The following RAD54L variants were observed in gnomAD, a reference collection of about 807,000 sequenced individuals.
RAD54L encodes RAD54 like, also known as DNA repair and recombination protein RAD54-like.
In RAD54L, 74 loss-of-function variants were observed where a neutral mutation model predicts 91.6. The observed-to-expected ratio is 0.81, with a 90% confidence interval of 0.67 to 0.98. RAD54L has a LOEUF of 0.98. RAD54L is among the 50% of genes least tolerant of loss of function. RAD54L has a pLI of 0.00. For missense variants in RAD54L, 887 were observed against 945.7 expected, an observed-to-expected ratio of 0.94 and a Z score of 0.81; for synonymous variants, 304 against 349.7, an observed-to-expected ratio of 0.87 and a Z score of 1.46.
rs535309776 is a variant in RAD54L, at chr1:46,261,212, T to G, written c.767-49T>G. 6 of 1,607,326 alleles carry G rather than the reference T, an allele frequency of 3.7e-6. No homozygotes were observed. The African/African-American group carries it at 4.0e-5, about 11-fold the overall frequency. The stretch of plus-strand genomic sequence containing the variant: ...GTCTAATTGTTTTTTTTGTTTTTTT[T>G]TTTTTCAAAAGATTCTGAATTGTTC... On this transcript the variant is annotated intron_variant, in intron 7 of 17. Transcript: ENST00000371975.
At chr1:46,266,047 A>T (rs753080076) in intron 8 of RAD54L, among the ~76,000 whole-genome samples, 7 of 152,194 alleles carry the variant, frequency 4.6e-5, no homozygotes, top group Non-Finnish European at 7.3e-5. Context: ...AGGAGCACAG[A>T]GTTGAGAGAG....
intron 2 of RAD54L, 118 bp from the exon 3 acceptor site, chr1:46,249,882 A>T: frequency 9.4e-7 from 1 of 1,065,346 alleles, no homozygotes; most frequent in Non-Finnish European, 1.4e-6. Context: ...ATACACTATG[A>T]CATGTGTGAA....
chr1:46,255,150 TTAC>T (rs1659906836), intron 3 of RAD54L, among the ~76,000 whole-genome samples: 1 of 152,160 alleles, frequency 6.6e-6, no homozygotes. Context: ...GCTATATAAC[TTAC>T]TAGAAGTTTG....
intron 12 of RAD54L, among the ~76,000 whole-genome samples, chr1:46,273,138 CCTT>C (rs1414978996): frequency 5.9e-5 from 9 of 152,188 alleles, no homozygotes; most frequent in African/African-American, 1.9e-4. Flanking sequence ...GTTATAGCTC[CCTT>C]CTTGTTGGGA....
Position 46,248,181 on chromosome 1 carries a change from A to C in RAD54L, c.-225A>C. ...GCTTGGTCTCTTCCTCTTTGGCCTA[A>C]TCTCTCGTCTCGGCTTATTGGGGAC... On this transcript the variant is annotated 5_prime_UTR_variant, in exon 1 of 18. Coordinates refer to ENST00000371975, the MANE Select transcript of RAD54L (RefSeq NM_003579.4). 1 of 657,582 alleles carries C rather than the reference A, an allele frequency of 1.5e-6. No individual in the cohort carries two copies. The highest frequency in any genetic ancestry group is 1.7e-5 in the South Asian group (1 of 58,836). 40.7% of individuals were successfully genotyped at this position (657,582 alleles called of 1,614,324 possible).
At position 46,260,057 on chromosome 1, in the gene RAD54L, A is replaced by C. The variant is rs1190865093; in HGVS notation, c.365A>C (p.Glu122Ala). 1 of 1,614,098 alleles carries C rather than the reference A, an allele frequency of 6.2e-7. No individual in the cohort carries two copies. Among genetic ancestry groups the C allele is most frequent in the South Asian group, 1.1e-5 (1 of 91,072 alleles). Residue 122 changes from glutamate (E) to alanine (A), a missense_variant, in exon 5 of 18, where the codon GAG becomes GCG. Glu to Ala is a moderately radical substitution (Grantham distance 107). Coordinates refer to ENST00000371975, the MANE Select transcript of RAD54L (RefSeq NM_003579.4). Reference sequence around the variant, plus strand: ...GAAAAAGATGCCTTGGTTCTGTATGAGCCTCCCCCGCTGAGCGCTCATGAC... The same window carrying C: ...GAAAAAGATGCCTTGGTTCTGTATGCGCCTCCCCCGCTGAGCGCTCATGAC... Reference protein sequence around the residue: ...PLEKDALVLYEPPPLSAHDQL... With the variant: ...PLEKDALVLYAPPPLSAHDQL...
chr1:46,266,796 TCATATGTCCA>T (rs1032902148), intron 8 of RAD54L, among the ~76,000 whole-genome samples: 8 of 152,110 alleles, frequency 5.3e-5, no homozygotes, highest in African/African-American at 1.7e-4. Flanking sequence ...CATGGGTTTG[TCATATGTCCA>T]CATGATCTCT....
Position 46,258,736 on chromosome 1 carries a change from A to T in RAD54L, c.261A>T (p.Pro87=), listed in dbSNP as rs1289616349. ...CAAAGCCTTTCAAAGTCCCCATTCCAAATTATCAAGGTAAAATGGAGGTTT... is the reference window on the plus strand; with the variant it reads ...CAAAGCCTTTCAAAGTCCCCATTCCTAATTATCAAGGTAAAATGGAGGTTT... ...ILSKPFKVPI[P]NYQGPLGSRA... The change falls in exon 4 of 18, where the codon CCA becomes CCT. Residue 87 remains proline, a synonymous_variant. Coordinates refer to ENST00000371975, the MANE Select transcript of RAD54L (RefSeq NM_003579.4). 1.2e-6 allele frequency: 2 copies of T among 1,600,558 alleles called. No individual in the cohort carries two copies. Among genetic ancestry groups the T allele is most frequent in the Admixed American group, 3.3e-5 (2 of 59,980 alleles).
chr1:46,248,546 G>A lies in RAD54L; in HGVS notation c.38G>A (p.Arg13Lys). 2 of 1,614,194 alleles carry A rather than the reference G, an allele frequency of 1.2e-6. No homozygotes were observed. Among genetic ancestry groups the A allele is most frequent in the Non-Finnish European group, 1.7e-6 (2 of 1,180,038 alleles). ...TTGGCTCCCAGCCAGCTGGCCAAGAGAAAACCTGAAGGCAGGTCCTGTGAT... is the reference window on the plus strand; with the variant it reads ...TTGGCTCCCAGCCAGCTGGCCAAGAAAAAACCTGAAGGCAGGTCCTGTGAT... ...RSLAPSQLAK[R>K]KPEGRSCDDE... Residue 13 changes from arginine to lysine, a missense_variant, in exon 2 of 18, where the codon AGA (arginine) becomes AAA (lysine). Transcript: ENST00000371975.
At chr1:46,272,856 G>A (rs2148300780) in intron 12 of RAD54L, 54 bp downstream of exon 12, 1 of 1,609,196 alleles carries the variant, frequency 6.2e-7, no homozygotes, top group Non-Finnish European at 8.5e-7. Flanking sequence ...AGGGAGGGTA[G>A]GTTCCTGTAG....
chr1:46,260,242 C>T (rs2148287378), intron 5 of RAD54L, 143 bp downstream of exon 5: 1 of 1,326,712 alleles, frequency 7.5e-7, no homozygotes, highest in Non-Finnish European at 1.1e-6. Context: ...AGGAGACTGC[C>T]TGGGGAAGAG....
chr1:46,274,249 T>C, intron 15 of RAD54L, 33 bp downstream of exon 15: 1 of 1,568,180 alleles, frequency 6.4e-7, no homozygotes, highest in South Asian at 1.1e-5. Flanking sequence ...ACACCACCAA[T>C]GCAGTATCAT....
chr1:46,248,141 C>A lies in RAD54L; in HGVS notation c.-265C>A. 2.0e-6 allele frequency: 1 copy of A among 498,918 alleles called. No individual in the cohort carries two copies. The highest frequency in any genetic ancestry group is 2.8e-5 in the Admixed American group (1 of 35,160). 30.9% of individuals were successfully genotyped at this position (498,918 alleles called of 1,614,324 possible). A position where few individuals can be genotyped will look rare whatever the true frequency, so the allele number is the denominator to read the frequency against. ...GGACTCCACCTGCCTCCTCCCCAAT[C>A]CCACACTAATCTCTGCTTGGTCTCT... is the stretch of plus-strand genomic sequence containing the variant. On this transcript the variant is annotated 5_prime_UTR_variant, in exon 1 of 18. Transcript: ENST00000371975.
chr1:46,272,470 C>A lies in RAD54L; in HGVS notation c.1174C>A (p.Leu392Met), dbSNP rs2148300023. 6.2e-7 allele frequency: 1 copy of A among 1,609,024 alleles called. No individual in the cohort carries two copies. Among genetic ancestry groups the A allele is most frequent in the Non-Finnish European group, 8.5e-7 (1 of 1,175,338 alleles). Residue 392 changes from leucine to methionine, a missense_variant, in exon 11 of 18, where the codon CTG becomes ATG. Coordinates refer to ENST00000371975, the MANE Select transcript of RAD54L (RefSeq NM_003579.4). ...TTTTTATCCTGTTTTCTCTAGATGC[C>A]TGATACGGAGGACTTCTGATATCCT... ...RELTSIVNRCLIRRTSDILSK... is the reference protein window; with the variant it reads ...RELTSIVNRCMIRRTSDILSK...
At chr1:46,257,365 T>A (rs1203102326) in intron 3 of RAD54L, among the ~76,000 whole-genome samples, 1 of 152,170 alleles carries the variant, frequency 6.6e-6, no homozygotes, top group Non-Finnish European at 1.5e-5. Context: ...GGGTCTCTGC[T>A]CTTTATTTCT....
At position 46,267,608 on chromosome 1, in the gene RAD54L, A is replaced by G; in HGVS notation, c.1041A>G (p.Leu347=). 6.2e-7 allele frequency: 1 copy of G among 1,609,436 alleles called. No homozygotes were observed. Among genetic ancestry groups the G allele is most frequent in the Non-Finnish European group, 8.5e-7 (1 of 1,175,864 alleles). The change falls in exon 9 of 18, where the codon CTA becomes CTG. Residue 347 remains leucine (L), a splice_region_variant and synonymous_variant. Transcript: ENST00000371975. ...TACATTTTGTTAATTCCGGCATCCT[A>G]GGTAAGAATCTAGCCTTGTTTGCCA... ...SLVHFVNSGI[L]GTAHEFKKHF... is the part of the protein sequence containing the mutation.
At position 46,272,498 on chromosome 1, in the gene RAD54L, C is replaced by T; in HGVS notation, c.1202C>T (p.Ser401Phe). ...ATACGGAGGACTTCTGATATCCTTT[C>T]TAAATATCTGCCTGTGAAGATTGAG... ...CLIRRTSDIL[S>F]KYLPVKIEQV... is the part of the protein sequence containing the mutation. Residue 401 changes from serine to phenylalanine, a missense_variant, in exon 11 of 18, where the codon TCT (serine) becomes TTT (phenylalanine). Physicochemically the swap from Ser to Phe is radical, Grantham distance 155. Transcript: ENST00000371975. The T allele has an allele frequency of 1.2e-6, 2 of 1,612,750 alleles. No individual in the cohort carries two copies. Among genetic ancestry groups the T allele is most frequent in the Non-Finnish European group, 8.5e-7 (1 of 1,178,732 alleles).
rs1478543670 is a variant in RAD54L, at chr1:46,273,350, C to T, written c.1376-5C>T. On this transcript the variant is annotated splice_region_variant and splice_polypyrimidine_tract_variant and intron_variant, in intron 12 of 17. Transcript: ENST00000371975. ...GTATCTGGGTTTTGTTTTGTTTTCT[C>T]CCAGATCCAGCTCTAATCTATGATA... 4 of 1,606,950 alleles carry T rather than the reference C, an allele frequency of 2.5e-6. No homozygotes were observed. Among genetic ancestry groups the T allele is most frequent in the Admixed American group, 1.7e-5 (1 of 59,998 alleles).
intron 14 of RAD54L, 103 bp from the exon 15 acceptor site, chr1:46,274,035 G>A (rs1361847760): frequency 1.7e-6 from 2 of 1,191,278 alleles, no homozygotes; most frequent in Non-Finnish European, 2.4e-6. Context: ...GCTCTCCAAG[G>A]GACTCTGCTT....
Sources: allele counts gnomAD v4.1 joint callset (sites outside exome capture counted in the v4.1 genomes callset), GRCh38; gene constraint gnomAD v4.1.1; transcripts MANE v1.5; gene names NCBI Gene and HGNC (gene_info 2026-07-23, HGNC 2026-07-21).